Variants in CNTN1 observed in about 807,000 individuals in gnomAD.
The protein encoded by CNTN1 is contactin-1.
A neutral mutation model predicts 126.4 loss-of-function variants in CNTN1; 38 were observed. The observed-to-expected ratio is 0.30, with a 90% CI of 0.23 to 0.39. CNTN1 has a LOEUF of 0.39. Among genes scored for constraint, CNTN1 ranks in the 10% least tolerant of loss-of-function variants. The pLI is 1.00. For synonymous variants in CNTN1, 413 were observed against 422.6 expected (o/e 0.98, Z 0.28); for missense variants, 1,009 against 1,248.4 (o/e 0.81, Z 2.89).
At chr12:40,849,499 G>C (rs955889830) in intron 1 of CNTN1, among the ~76,000 whole-genome samples, 5 of 151,936 alleles carry the variant, frequency 3.3e-5, no homozygotes, top group Non-Finnish European at 5.9e-5. Context: ...TGCCCCAATC[G>C]AGTCTACCCT....
chr12:40,813,144 T>G (rs554212449), intron 1 of CNTN1, among the ~76,000 whole-genome samples: 5 of 150,592 alleles, frequency 3.3e-5, no homozygotes, highest in African/African-American at 1.2e-4. Context: ...TTTCTTTTTC[T>G]TTCTGCCTTC....
At chr12:40,813,038 C>CCTTT (rs72232368) in intron 1 of CNTN1, among the ~76,000 whole-genome samples, 29 of 84,966 alleles carry the variant, frequency 3.4e-4, no homozygotes, top group African/African-American at 1.0e-3. Context: ...CTCTTTCTTT[C>CCTTT]CTTTCTTTCT....
intron 1 of CNTN1, among the ~76,000 whole-genome samples, chr12:40,874,187 AAAT>A (rs1005704282): frequency 6.6e-6 from 1 of 152,074 alleles, no homozygotes; most frequent in Non-Finnish European, 1.5e-5. Flanking sequence ...AAAATTAGGT[AAAT>A]AATAATAATA....
intron 1 of CNTN1, among the ~76,000 whole-genome samples, chr12:40,815,651 T>C (rs1941231492): frequency 6.6e-6 from 1 of 152,176 alleles, no homozygotes; most frequent in African/African-American, 2.4e-5. Context: ...TTCTTTCTGT[T>C]ACCTGATTGC....
Position 40,755,402 on chromosome 12 carries a change from G to A in CNTN1, c.-77+62810G>A, listed in dbSNP as rs183733698. ...TTGATAGGAATTAACAATGGGTGTTGGAAAACATTGATGATACAAGAAGAA... is the reference window on the plus strand; with the variant it reads ...TTGATAGGAATTAACAATGGGTGTTAGAAAACATTGATGATACAAGAAGAA... On this transcript the variant is annotated intron_variant, in intron 1 of 23. Coordinates refer to ENST00000551295, the MANE Select transcript of CNTN1 (RefSeq NM_001843.4). Among the ~76,000 whole-genome samples, 3 of 134,566 alleles carry A rather than the reference G, an allele frequency of 2.2e-5. No individual in the cohort carries two copies. In the East Asian group the frequency reaches 6.5e-4, roughly 29 times the overall value. 88.3% of individuals were successfully genotyped at this position (134,566 alleles called of 152,430 possible). A position where few individuals can be genotyped will look rare whatever the true frequency, so the allele number is the denominator to read the frequency against.
intron 16 of CNTN1, among the ~76,000 whole-genome samples, chr12:40,987,540 C>A (rs777551481): frequency 1.6e-4 from 24 of 151,918 alleles, no homozygotes; most frequent in Non-Finnish European, 3.1e-4. Context: ...AGATGTTGGC[C>A]AGAACATGAA....
At chr12:40,765,390 A>G (rs1335222303) in intron 1 of CNTN1, among the ~76,000 whole-genome samples, 1 of 152,212 alleles carries the variant, frequency 6.6e-6, no homozygotes, top group African/African-American at 2.4e-5. Flanking sequence ...GTGAAAGGAT[A>G]GGAAGCTGAT....
intron 15 of CNTN1, chr12:40,978,883 T>C (rs1301759830): frequency 6.6e-6 from 1 of 152,202 alleles, no homozygotes; most frequent in African/African-American, 2.4e-5. Flanking sequence ...AAAAAGTAAC[T>C]GAATGCATGC....
intron 1 of CNTN1, among the ~76,000 whole-genome samples, chr12:40,837,992 G>A (rs1054715302): frequency 3.3e-5 from 5 of 152,112 alleles, no homozygotes; most frequent in Admixed American, 1.3e-4. Context: ...TCTCAGTATC[G>A]CTGCTACTGC....
chr12:40,859,268 C>T lies in CNTN1; in HGVS notation c.-76-49089C>T, dbSNP rs549661436. On this transcript the variant is annotated intron_variant, in intron 1 of 23. Coordinates refer to ENST00000551295, the MANE Select transcript of CNTN1 (RefSeq NM_001843.4). ...CTAATAGACTAATAGTTCCAGAAGG[C>T]GAGAACAGAATTGAGAGATGAGGAG... Among the ~76,000 whole-genome samples, 150 of 152,038 alleles carry T rather than the reference C, an allele frequency of 9.9e-4. 1 individual carries two copies. Among genetic ancestry groups the T allele is most frequent in the Non-Finnish European group, 1.3e-3 (89 of 67,946 alleles).
intron 1 of CNTN1, among the ~76,000 whole-genome samples, chr12:40,737,465 G>C (rs1177607082): frequency 6.6e-6 from 1 of 150,986 alleles, no homozygotes; most frequent in Non-Finnish European, 1.5e-5. Flanking sequence ...GAGCCAGTCT[G>C]AGTCCCAAAA....
At chr12:41,012,916 C>G (rs1948696535) in intron 17 of CNTN1, among the ~76,000 whole-genome samples, 1 of 152,104 alleles carries the variant, frequency 6.6e-6, no homozygotes, top group African/African-American at 2.4e-5. Context: ...TGGGATTCAT[C>G]ATCTCACACC....
intron 1 of CNTN1, among the ~76,000 whole-genome samples, chr12:40,751,335 CTAAG>C (rs1319801655): frequency 6.6e-5 from 10 of 152,006 alleles, no homozygotes; most frequent in Admixed American, 6.6e-4. Flanking sequence ...TAAAAGTTAA[CTAAG>C]TATCTCCTGT....
rs1430145433 is a variant in CNTN1, at chr12:40,773,686, T to C, written c.-77+81094T>C. Among the ~76,000 whole-genome samples the C allele has an allele frequency of 4.7e-4, 4 of 8,478 alleles. 1 individual carries two copies. Among genetic ancestry groups the C allele is most frequent in the Admixed American group, 1.5e-3 (1 of 678 alleles). The allele number at this position is 8,478 out of a possible 152,430, so 5.6% of individuals were successfully genotyped here. ...ATATATATATATACACATATATATA[T>C]ATATATACACATATATATATATATA... On this transcript the variant is annotated intron_variant, in intron 1 of 23. Coordinates refer to ENST00000551295, the MANE Select transcript of CNTN1 (RefSeq NM_001843.4).
chr12:41,043,063 G>A (rs1949454731), intron 23 of CNTN1, among the ~76,000 whole-genome samples: 2 of 150,542 alleles, frequency 1.3e-5, no homozygotes, highest in South Asian at 4.1e-4. Context: ...GAAAACCTAG[G>A]CATTACCATT....
At chr12:41,063,316 T>C (rs1949978998) in intron 23 of CNTN1, among the ~76,000 whole-genome samples, 1 of 152,208 alleles carries the variant, frequency 6.6e-6, no homozygotes, top group African/African-American at 2.4e-5. Context: ...GTGAGCAAAG[T>C]CCTGAAACAC....
At chr12:40,906,607 T>C (rs1944825969) in intron 1 of CNTN1, among the ~76,000 whole-genome samples, 1 of 152,038 alleles carries the variant, frequency 6.6e-6, no homozygotes, top group African/African-American at 2.4e-5. Flanking sequence ...TTAAATATGT[T>C]CGACTATATT....
At chr12:40,970,092 C>T (rs1256248558) in intron 15 of CNTN1, among the ~76,000 whole-genome samples, 1 of 151,974 alleles carries the variant, frequency 6.6e-6, no homozygotes, top group East Asian at 1.9e-4. Flanking sequence ...TGTCAGATCC[C>T]GCTGATGTGT....
Position 40,992,358 on chromosome 12 carries a change from G to A in CNTN1, c.1964-762G>A, listed in dbSNP as rs185457256. On this transcript the variant is annotated intron_variant, in intron 16 of 23. Coordinates refer to ENST00000551295, the MANE Select transcript of CNTN1 (RefSeq NM_001843.4). ...ACTTCCCTAAATGATAAGATATTGC[G>A]TCATAGACAAGCCTACAGGTACAGG... Among the ~76,000 whole-genome samples the A allele has an allele frequency of 3.7e-4, 57 of 152,126 alleles. 1 individual carries two copies. The highest frequency in any genetic ancestry group is 1.8e-3 in the Admixed American group (27 of 15,274).
Sources: gnomAD v4.1 joint callset for allele counts (sites outside exome capture counted in the v4.1 genomes callset) on GRCh38, gnomAD v4.1.1 for gene constraint, MANE v1.5 for transcripts, NCBI Gene and HGNC (gene_info 2026-07-23, HGNC 2026-07-21) for gene names.